The following CCT8 variants were observed in gnomAD, a reference collection of about 807,000 sequenced individuals.
CCT8 encodes the protein chaperonin containing TCP1 subunit 8, also known as T-complex protein 1 subunit theta.
A neutral mutation model predicts 65.7 loss-of-function variants in CCT8; 10 were observed. The observed-to-expected ratio is 0.15, with a 90% CI of 0.09 to 0.26. The LOEUF (loss-of-function observed/expected upper bound fraction) is 0.26, where lower values mean the gene tolerates loss of function less well. Among genes scored for constraint, CCT8 ranks in the 10% least tolerant of loss-of-function variants. The pLI, the probability that CCT8 is intolerant of heterozygous loss-of-function variation, is 1.00. For missense variants in CCT8, 568 were observed against 669.1 expected (o/e 0.85, Z 1.67); for synonymous variants, 199 against 221.8 (o/e 0.90, Z 0.92).
At chr21:29,059,886 T>G (rs552319671) in intron 14 of CCT8, 4 of 152,316 alleles carry the variant, frequency 2.6e-5, no homozygotes, top group African/African-American at 7.2e-5. Context: ...ACATATGACT[T>G]TTACCTAATG....
chr21:29,059,059 G>T (rs981621435), intron 14 of CCT8, among the ~76,000 whole-genome samples: 2 of 152,198 alleles, frequency 1.3e-5, no homozygotes, highest in Non-Finnish European at 2.9e-5. Flanking sequence ...GACTACAGGT[G>T]TGAGCCACCA....
intron 7 of CCT8, 63 bp downstream of exon 7, chr21:29,064,905 C>G: frequency 6.9e-7 from 1 of 1,447,858 alleles, no homozygotes; most frequent in South Asian, 1.2e-5. Context: ...GGTTTAAGAG[C>G]TAACTCAAAC....
intron 1 of CCT8, chr21:29,073,194 C>T (rs2085702558): frequency 2.1e-6 from 2 of 966,518 alleles, no homozygotes; most frequent in Middle Eastern, 4.5e-4. Context: ...TATTCAATTT[C>T]ACCCTCACAA....
chr21:29,060,923 G>A (rs775061350), intron 13 of CCT8, among the ~76,000 whole-genome samples: 1 of 152,056 alleles, frequency 6.6e-6, no homozygotes, highest in African/African-American at 2.4e-5. Flanking sequence ...ACTTTAAATC[G>A]TCTCCAGATT....
At chr21:29,071,668 G>A (rs999292038) in intron 1 of CCT8, among the ~76,000 whole-genome samples, 3 of 151,988 alleles carry the variant, frequency 2.0e-5, no homozygotes, top group Admixed American at 1.3e-4. Flanking sequence ...TTACAGGTGT[G>A]AGCCACCAAC....
At chr21:29,072,853 A>G (rs1239889693) in intron 1 of CCT8, among the ~76,000 whole-genome samples, 2 of 152,192 alleles carry the variant, frequency 1.3e-5, no homozygotes, top group Non-Finnish European at 2.9e-5. Context: ...CCCCTCTATC[A>G]CTTATCCTGC....
At chr21:29,057,219 G>C (rs1601084854) in intron 14 of CCT8, among the ~76,000 whole-genome samples, 1 of 149,016 alleles carries the variant, frequency 6.7e-6, no homozygotes, top group Admixed American at 6.7e-5. Context: ...GCCCAGGCTA[G>C]AGAGTGCAGT....
chr21:29,062,103 T>C, intron 11 of CCT8, 25 bp downstream of exon 11: 1 of 1,465,732 alleles, frequency 6.8e-7, no homozygotes, highest in South Asian at 1.1e-5. Context: ...CCTTACAAAC[T>C]ACTAAGAATA....
rs1365499557 is a variant in CCT8 at position 29,062,561 on chromosome 21, A to G, written c.942-5T>C. On this transcript the variant is annotated splice_region_variant and splice_polypyrimidine_tract_variant and intron_variant, in intron 8 of 14. Coordinates refer to ENST00000286788, the MANE Select transcript of CCT8 (RefSeq NM_006585.4). ...AGATCCCATTTTGAGTTTAGCCTTTAAAAAACACAAAGACCTTAATAAAAG... is the reference window on the plus strand; with the variant it reads ...AGATCCCATTTTGAGTTTAGCCTTTGAAAAACACAAAGACCTTAATAAAAG... 7.5e-6 allele frequency: 12 copies of G among 1,607,886 alleles called. No individual in the cohort carries two copies. The highest frequency in any genetic ancestry group is 1.4e-5 in the African/African-American group (1 of 72,442).
chr21:29,063,908 A>G (rs765108771), intron 7 of CCT8, among the ~76,000 whole-genome samples: 5 of 152,130 alleles, frequency 3.3e-5, no homozygotes, highest in Non-Finnish European at 5.9e-5. Context: ...CTGGGATTAC[A>G]GGCAAGCGCC....
At chr21:29,062,303 A>C in intron 10 of CCT8, 25 bp downstream of exon 10, 1 of 1,608,192 alleles carries the variant, frequency 6.2e-7, no homozygotes, top group Non-Finnish European at 8.5e-7. Context: ...CCTACACTTA[A>C]ACATGTTTTA....
intron 8 of CCT8, 67 bp from the exon 9 acceptor site, chr21:29,062,623 T>A: frequency 1.6e-6 from 2 of 1,278,430 alleles, no homozygotes; most frequent in Non-Finnish European, 2.2e-6. Flanking sequence ...AAGTTCAAAT[T>A]AAAGAGGAAC....
In CCT8 at chr21:29,061,292, T is replaced by A. The variant is rs755122723; in HGVS notation, c.1410A>T (p.Val470=). 1.2e-6 allele frequency: 2 copies of A among 1,613,988 alleles called. No homozygotes were observed. Among genetic ancestry groups the A allele is most frequent in the Non-Finnish European group, 1.7e-6 (2 of 1,179,812 alleles). Residue 470 remains valine (V), a synonymous_variant, in exon 13 of 15, where the codon GTA becomes GTT. Coordinates refer to ENST00000286788, the MANE Select transcript of CCT8 (RefSeq NM_006585.4). Reference sequence around the variant, plus strand: ...CAACGTTTTTATTTCCTTCTTGATGTACTGCATAAAGTTTAGAGATTACTT... The same window carrying A: ...CAACGTTTTTATTTCCTTCTTGATGAACTGCATAAAGTTTAGAGATTACTT... ...ANEVISKLYA[V]HQEGNKNVGL... is the part of the protein sequence containing the mutation.
chr21:29,067,756 A>G (rs2085640006), intron 3 of CCT8, 51 bp from the exon 4 acceptor site: 2 of 1,297,036 alleles, frequency 1.5e-6, no homozygotes, highest in Non-Finnish European at 2.0e-6. Flanking sequence ...AAAGCAACAT[A>G]AAATTGTTCA....
rs1249433216 is a variant in CCT8 at position 29,066,934 on chromosome 21, A to G, written c.519T>C (p.Tyr173=). The change falls in exon 5 of 15, where the codon TAT becomes TAC. Residue 173 remains tyrosine (Y), a synonymous_variant. Transcript: ENST00000286788. ...LLRTSIMSKQ[Y]GNEVFLAKLI... is the part of the protein sequence containing the mutation. ...GCTTGGCCAGAAATACTTCATTACCATATTGTTTACTCATTATGGAGGTAC... is the reference window on the plus strand; with the variant it reads ...GCTTGGCCAGAAATACTTCATTACCGTATTGTTTACTCATTATGGAGGTAC... 7 of 1,612,802 alleles carry G rather than the reference A, an allele frequency of 4.3e-6. No individual in the cohort carries two copies. In the Admixed American group the frequency reaches 6.7e-5, roughly 15 times the overall value.
At chr21:29,067,749 G>A in intron 3 of CCT8, 44 bp from the exon 4 acceptor site, 1 of 1,313,060 alleles carries the variant, frequency 7.6e-7, no homozygotes, top group Non-Finnish European at 9.9e-7. Context: ...GATCCTTAAA[G>A]CAACATAAAA....
At chr21:29,068,808 A>G (rs548715339) in intron 3 of CCT8, among the ~76,000 whole-genome samples, 1 of 152,374 alleles carries the variant, frequency 6.6e-6, no homozygotes, top group South Asian at 2.1e-4. Flanking sequence ...TGATTCTTCT[A>G]TCGTTTCATT....
At chr21:29,059,788 A>G (rs750251686) in intron 14 of CCT8, 4 of 152,142 alleles carry the variant, frequency 2.6e-5, no homozygotes, top group Non-Finnish European at 5.9e-5. Flanking sequence ...AATTTGTTAT[A>G]ATTACCACCA....
At chr21:29,058,583 TG>T (rs1225637924) in intron 14 of CCT8, among the ~76,000 whole-genome samples, 1 of 141,894 alleles carries the variant, frequency 7.0e-6, no homozygotes, top group Non-Finnish European at 1.5e-5. Context: ...TCTGAGAATC[TG>T]TATTTCTTCT....
Sources: allele counts gnomAD v4.1 joint callset (sites outside exome capture counted in the v4.1 genomes callset), GRCh38; gene constraint gnomAD v4.1.1; transcripts MANE v1.5; gene names NCBI Gene and HGNC (gene_info 2026-07-23, HGNC 2026-07-21).